Variants in XIRP2 observed in about 807,000 individuals in gnomAD.
XIRP2 encodes xin actin-binding repeat-containing protein 2.
XIRP2 carries 236 observed loss-of-function variants against 277.0 expected under a neutral mutation model. The observed-to-expected ratio is 0.85, with a 90% CI of 0.77 to 0.95. XIRP2 has a LOEUF of 0.95. Among genes scored for constraint, XIRP2 ranks in the 40% least tolerant of loss-of-function variants. The pLI is 0.00. For missense variants in XIRP2, 4,640 were observed against 4,157.5 expected, an observed-to-expected ratio of 1.12 and a Z score of -3.19; for synonymous variants, 1,490 against 1,416.5, an observed-to-expected ratio of 1.05 and a Z score of -1.17.
chr2:167,060,080 A>G (rs1689139971), intron 2 of XIRP2, among the ~76,000 whole-genome samples: 1 of 152,210 alleles, frequency 6.6e-6, no homozygotes, highest in Non-Finnish European at 1.5e-5. Context: ...TGAAACAAAA[A>G]GATCCCACCA....
chr2:167,185,075 G>T (rs1285629191), intron 3 of XIRP2, among the ~76,000 whole-genome samples: 1 of 152,088 alleles, frequency 6.6e-6, no homozygotes, highest in East Asian at 1.9e-4. Flanking sequence ...ATGAAATTTA[G>T]TGTCTAAAAC....
chr2:167,249,824 A>G lies in XIRP2; in HGVS notation c.8432A>G (p.Asp2811Gly), dbSNP rs762791115. The change falls in exon 9 of 11, where the codon GAC (aspartate) becomes GGC (glycine). Residue 2811 changes from aspartate (D) to glycine (G), a missense_variant. Transcript: ENST00000409195. Reference protein sequence around the residue: ...PRKQREFSGSDRGKLPGSEEK... With the variant: ...PRKQREFSGSGRGKLPGSEEK... The stretch of plus-strand genomic sequence containing the variant: ...AAGCAAAGAGAATTTAGCGGATCTG[A>G]CAGAGGGAAACTTCCAGGAAGTGAA... 3.1e-6 allele frequency: 5 copies of G among 1,613,544 alleles called. No homozygotes were observed. Among genetic ancestry groups the G allele is most frequent in the Non-Finnish European group, 4.2e-6 (5 of 1,179,752 alleles).
intron 2 of XIRP2, among the ~76,000 whole-genome samples, chr2:167,073,873 C>T (rs144552355): frequency 6.6e-6 from 1 of 152,172 alleles, no homozygotes; most frequent in Non-Finnish European, 1.5e-5. Context: ...TTTGGAACCT[C>T]ATCTTTGATT....
chr2:167,181,718 T>C (rs1468075349), intron 3 of XIRP2, among the ~76,000 whole-genome samples: 1 of 152,146 alleles, frequency 6.6e-6, no homozygotes, highest in Non-Finnish European at 1.5e-5. Context: ...TGATCAAAAT[T>C]ATATTTATAG....
At chr2:167,183,892 G>A (rs1693086582) in intron 3 of XIRP2, among the ~76,000 whole-genome samples, 1 of 152,172 alleles carries the variant, frequency 6.6e-6, no homozygotes, top group South Asian at 2.1e-4. Context: ...CTGCTGAGCA[G>A]ATAGAATGGA....
At position 167,116,846 on chromosome 2, in the gene XIRP2, G is replaced by A. The variant is rs143905576; in HGVS notation, c.409-19063G>A. 3.0e-3 allele frequency among the ~76,000 whole-genome samples: 450 copies of A among 152,316 alleles called. 4 individuals carry two copies. Among genetic ancestry groups the A allele is most frequent in the African/African-American group, 0.01 (435 of 41,586 alleles). ...GAAGAGTTAGATGTACTAGAGAACA[G>A]CCAAATAACTGTGAAGATTCACTGT... On this transcript the variant is annotated intron_variant, in intron 2 of 10. Coordinates refer to ENST00000409195, the MANE Select transcript of XIRP2 (RefSeq NM_152381.6).
chr2:166,936,738 C>A (rs962192324), intron 2 of XIRP2, among the ~76,000 whole-genome samples: 6 of 151,972 alleles, frequency 3.9e-5, no homozygotes, highest in Non-Finnish European at 7.4e-5. Context: ...TGTGGTATTA[C>A]TTCTGAGGGC....
chr2:167,225,515 A>T (rs1694570009), intron 5 of XIRP2, among the ~76,000 whole-genome samples: 2 of 152,184 alleles, frequency 1.3e-5, no homozygotes, highest in South Asian at 4.1e-4. Flanking sequence ...TCTGATCAAC[A>T]TGCTCAGAAA....
Position 166,995,023 on chromosome 2 carries a change from AG to A in XIRP2, c.408+91135del, listed in dbSNP as rs754303303. On this transcript the variant is annotated intron_variant, in intron 2 of 10. Coordinates refer to ENST00000409195, the MANE Select transcript of XIRP2 (RefSeq NM_152381.6). ...CAGCCTCCCTAGAAGCTGGGACTAC[AG>A]GTGCGCACCACCTCGCCCAGCTAAT... Among the ~76,000 whole-genome samples, 131 of 152,026 alleles carry A rather than the reference AG, an allele frequency of 8.6e-4. 1 individual carries two copies. Among genetic ancestry groups the A allele is most frequent in the South Asian group, 7.1e-3 (34 of 4,820 alleles).
At chr2:166,929,782 G>A (rs774581711) in intron 2 of XIRP2, among the ~76,000 whole-genome samples, 9 of 152,032 alleles carry the variant, frequency 5.9e-5, no homozygotes, top group Non-Finnish European at 1.0e-4. Flanking sequence ...GTGCTTGTTT[G>A]TTTCCTCTGC....
chr2:166,933,250 A>T (rs377069916), intron 2 of XIRP2, among the ~76,000 whole-genome samples: 1 of 150,822 alleles, frequency 6.6e-6, no homozygotes, highest in Non-Finnish European at 1.5e-5. Flanking sequence ...CCGGGTTCAC[A>T]CCATTCTTCT....
chr2:166,961,357 G>A (rs1290452751), intron 2 of XIRP2, among the ~76,000 whole-genome samples: 1 of 151,654 alleles, frequency 6.6e-6, no homozygotes, highest in Non-Finnish European at 1.5e-5. Flanking sequence ...TTTCAGAATT[G>A]ATGTTCAGTA....
chr2:166,987,972 C>A (rs866075766), intron 2 of XIRP2, among the ~76,000 whole-genome samples: 1 of 152,056 alleles, frequency 6.6e-6, no homozygotes, highest in Non-Finnish European at 1.5e-5. Flanking sequence ...ATAGAATGCA[C>A]AATGGAAATA....
chr2:167,208,697 T>TA (rs1271363569), intron 3 of XIRP2, among the ~76,000 whole-genome samples: 1 of 152,112 alleles, frequency 6.6e-6, no homozygotes, highest in Non-Finnish European at 1.5e-5. Flanking sequence ...ATTTTGTCAT[T>TA]AAAAAATGAT....
intron 6 of XIRP2, among the ~76,000 whole-genome samples, chr2:167,240,282 G>A (rs1203855977): frequency 6.6e-6 from 1 of 152,004 alleles, no homozygotes; most frequent in Non-Finnish European, 1.5e-5. Context: ...AGGTGTGCTG[G>A]TATGTGCCTG....
At chr2:167,015,147 C>T (rs1310531674) in intron 2 of XIRP2, among the ~76,000 whole-genome samples, 1 of 151,888 alleles carries the variant, frequency 6.6e-6, no homozygotes, top group Admixed American at 6.6e-5. Flanking sequence ...TCACCACATA[C>T]ACTAAATTTA....
rs183472141 is a variant in XIRP2 at position 166,917,229 on chromosome 2, T to C, written c.408+13339T>C. 7.0e-4 allele frequency among the ~76,000 whole-genome samples: 106 copies of C among 152,270 alleles called. 1 individual carries two copies. Among genetic ancestry groups the C allele is most frequent in the South Asian group, 1.5e-3 (7 of 4,816 alleles). ...ACTGAGAAGAGCCCTCACTGAGTAATCTTTTAACATAAGTTACAATCCCAT... is the reference window on the plus strand; with the variant it reads ...ACTGAGAAGAGCCCTCACTGAGTAACCTTTTAACATAAGTTACAATCCCAT... On this transcript the variant is annotated intron_variant, in intron 2 of 10. Transcript: ENST00000409195.
intron 2 of XIRP2, among the ~76,000 whole-genome samples, chr2:166,925,129 G>A (rs1215283724): frequency 6.6e-6 from 1 of 151,980 alleles, no homozygotes; most frequent in Non-Finnish European, 1.5e-5. Flanking sequence ...TTTATCAAAA[G>A]TCATGTCAAC....
intron 2 of XIRP2, among the ~76,000 whole-genome samples, chr2:167,068,276 T>C (rs1689351116): frequency 6.6e-6 from 1 of 152,156 alleles, no homozygotes; most frequent in African/African-American, 2.4e-5. Context: ...CACACACAAC[T>C]CTATTTTTCC....
Sources: allele counts gnomAD v4.1 joint callset (sites outside exome capture counted in the v4.1 genomes callset), GRCh38; gene constraint gnomAD v4.1.1; transcripts MANE v1.5; gene names NCBI Gene and HGNC (gene_info 2026-07-23, HGNC 2026-07-21).